PHACTR2: variants seen among roughly 807,000 people sequenced by gnomAD.
The protein encoded by PHACTR2 is chromosome 6 open reading frame 56.
In PHACTR2, 30 loss-of-function variants were observed where a neutral mutation model predicts 76.0. The ratio of observed to expected loss-of-function variants is 0.39; its 90% CI spans 0.30 to 0.54. PHACTR2 has a LOEUF of 0.54. Among genes scored for constraint, PHACTR2 ranks in the 20% least tolerant of loss-of-function variants. The pLI is 0.61. For synonymous variants in PHACTR2, 292 were observed against 292.5 expected, an observed-to-expected ratio of 1.00 and a Z score of 0.02; for missense variants, 696 against 781.1, an observed-to-expected ratio of 0.89 and a Z score of 1.30.
At chr6:143,643,822 T>C (rs1776608328) in intron 1 of PHACTR2, among the ~76,000 whole-genome samples, 1 of 152,230 alleles carries the variant, frequency 6.6e-6, no homozygotes, top group Admixed American at 6.5e-5. Context: ...TAGTGTCCTG[T>C]TTCCATGAGA....
intron 2 of PHACTR2, among the ~76,000 whole-genome samples, chr6:143,746,725 C>G (rs1779074971): frequency 6.6e-6 from 1 of 151,968 alleles, no homozygotes; most frequent in Non-Finnish European, 1.5e-5. Flanking sequence ...TGTGGGTGTT[C>G]TTTGGCTTCC....
intron 2 of PHACTR2, among the ~76,000 whole-genome samples, chr6:143,746,531 C>G (rs1350018591): frequency 2.0e-5 from 3 of 152,086 alleles, no homozygotes; most frequent in African/African-American, 4.8e-5. Flanking sequence ...GCAGAACAGC[C>G]GTGAATCTCT....
rs546130904 is a variant in PHACTR2, at chr6:143,668,179, A to C, written c.14-43837A>C. 2.6e-5 allele frequency among the ~76,000 whole-genome samples: 4 copies of C among 152,300 alleles called. No individual in the cohort carries two copies. In the East Asian group the frequency reaches 7.7e-4, roughly 29 times the overall value. On this transcript the variant is annotated intron_variant, in intron 1 of 11. Coordinates refer to the PHACTR2 transcript ENST00000305766. ...TCTGTTTATGTGATGGATTACATTTATTGATTTGCGTATGTTGAACCAGCC... is the reference window on the plus strand; with the variant it reads ...TCTGTTTATGTGATGGATTACATTTCTTGATTTGCGTATGTTGAACCAGCC...
rs73592190 is a variant in PHACTR2 at position 143,627,538 on chromosome 6, T to G, written c.13+19216T>G. ...AAGGTGAGATTCGCATGACATAAAA[T>G]TAACTATTTTGAAGTGTCCAATTCA... is the stretch of plus-strand genomic sequence containing the variant. On this transcript the variant is annotated intron_variant, in intron 1 of 11. Coordinates refer to the PHACTR2 transcript ENST00000305766. The surrounding 1 kb of genome is among the most constrained non-coding windows in gnomAD (Gnocchi z 4.3). Among the ~76,000 whole-genome samples the G allele has an allele frequency of 0.024, 3,597 of 152,184 alleles. 129 individuals are homozygous for G. Among genetic ancestry groups the G allele is most frequent in the African/African-American group, 0.083 (3,433 of 41,500 alleles).
At chr6:143,720,803 A>G (rs1778423782) in intron 2 of PHACTR2, among the ~76,000 whole-genome samples, 1 of 152,026 alleles carries the variant, frequency 6.6e-6, no homozygotes, top group African/African-American at 2.4e-5. Flanking sequence ...TGTGGAGACG[A>G]GATCTCGCTA....
At chr6:143,699,521 GACTCCACCAAATAACTTCA>G (rs1777851145) in intron 1 of PHACTR2, among the ~76,000 whole-genome samples, 1 of 152,254 alleles carries the variant, frequency 6.6e-6, no homozygotes, top group Non-Finnish European at 1.5e-5. Flanking sequence ...TTGTTTAGAA[GACTCCACCAAATAACTTCA>G]ACTCCAGCTT....
At position 143,754,577 on chromosome 6, in the gene PHACTR2, C is replaced by T. The variant is rs1299373895; in HGVS notation, c.454+665C>T. Among the ~76,000 whole-genome samples, 3 of 152,144 alleles carry T rather than the reference C, an allele frequency of 2.0e-5. No homozygotes were observed. Among genetic ancestry groups the T allele is most frequent in the Non-Finnish European group, 4.4e-5 (3 of 68,034 alleles). ...CTTGGTTCCTAGAGTGAATATGCTACAGTAGATTGAGATACCTGCAAAATA... is the reference window on the plus strand; with the variant it reads ...CTTGGTTCCTAGAGTGAATATGCTATAGTAGATTGAGATACCTGCAAAATA... On this transcript the variant is annotated intron_variant, in intron 4 of 12. Transcript: ENST00000440869. This position sits in a 1 kb window ranked among gnomAD's most constrained non-coding sequence, Gnocchi z 6.2.
At position 143,571,208 on chromosome 6, in the gene PHACTR2, A is replaced by G. The variant is rs1339572687; in HGVS notation, c.217+34001A>G. Among the ~76,000 whole-genome samples, 1 of 152,106 alleles carries G rather than the reference A, an allele frequency of 6.6e-6. No individual in the cohort carries two copies. Among genetic ancestry groups the G allele is most frequent in the Non-Finnish European group, 1.5e-5 (1 of 68,008 alleles). On this transcript the variant is annotated intron_variant, in intron 1 of 11. Transcript: ENST00000367584. The surrounding 1 kb of genome is among the most constrained non-coding windows in gnomAD (Gnocchi z 4.6). ...TCAAATTTAGCCAATTATCCCACTA[A>G]CAATTATCATTGTTAGTAACAATTA...
In PHACTR2 at chr6:143,819,664, C is replaced by T. The variant is rs1186517880; in HGVS notation, c.1923-4010C>T. Among the ~76,000 whole-genome samples the T allele has an allele frequency of 2.0e-5, 3 of 152,116 alleles. No individual in the cohort carries two copies. The highest frequency in any genetic ancestry group is 7.2e-5 in the African/African-American group (3 of 41,426). On this transcript the variant is annotated intron_variant, in intron 12 of 12. Coordinates refer to ENST00000440869, the MANE Select transcript of PHACTR2 (RefSeq NM_001100164.2). The surrounding 1 kb of genome is among the most constrained non-coding windows in gnomAD (Gnocchi z 5.0). ...TTGTTCAAGGACAAGAGAGGAAGAG[C>T]ATGTATCCCAGCTCCAGTAGATAGA...
intron 2 of PHACTR2, among the ~76,000 whole-genome samples, chr6:143,740,430 A>C (rs1778912394): frequency 6.6e-6 from 1 of 151,372 alleles, no homozygotes; most frequent in Non-Finnish European, 1.5e-5. Flanking sequence ...GCCTCTATTC[A>C]AGATGGAGTT....
intron 1 of PHACTR2, among the ~76,000 whole-genome samples, chr6:143,699,088 A>C (rs1777839373): frequency 6.6e-6 from 1 of 152,092 alleles, no homozygotes; most frequent in Middle Eastern, 3.4e-3. Flanking sequence ...CCGTCTGCTG[A>C]GTTTTCCTTC....
chr6:143,584,334 A>G (rs1408520501), intron 1 of PHACTR2, among the ~76,000 whole-genome samples: 1 of 152,220 alleles, frequency 6.6e-6, no homozygotes, highest in African/African-American at 2.4e-5. Flanking sequence ...TGGATGAGGC[A>G]TCCTGAGTCC....
rs531345622 is a variant in PHACTR2, at chr6:143,608,215, T to A, written c.-95T>A. On this transcript the variant is annotated 5_prime_UTR_variant, in exon 1 of 12. Transcript: ENST00000305766. The surrounding 1 kb of genome is among the most constrained non-coding windows in gnomAD (Gnocchi z 4.6). ...GTATGCTCAGTGTGCCAGCAAGGGC[T>A]GATAATCAGCAGAAGGACAGGGTGC... 6.1e-5 allele frequency: 79 copies of A among 1,293,664 alleles called. No homozygotes were observed. The South Asian group carries it at 8.2e-4, about 13-fold the overall frequency. 80.1% of individuals were successfully genotyped at this position (1,293,664 alleles called of 1,614,324 possible).
chr6:143,763,282 C>T (rs1349818449), intron 5 of PHACTR2, among the ~76,000 whole-genome samples: 1 of 151,998 alleles, frequency 6.6e-6, no homozygotes, highest in Admixed American at 6.6e-5. Context: ...TCACTTGAAC[C>T]CGGGAGGCAG....
rs1776277244 is a variant in PHACTR2 at position 143,627,237 on chromosome 6, A to G, written c.13+18915A>G. 6.6e-6 allele frequency among the ~76,000 whole-genome samples: 1 copy of G among 151,958 alleles called. No homozygotes were observed. Among genetic ancestry groups the G allele is most frequent in the Admixed American group, 6.5e-5 (1 of 15,276 alleles). On this transcript the variant is annotated intron_variant, in intron 1 of 11. Transcript: ENST00000305766. The surrounding 1 kb of genome is among the most constrained non-coding windows in gnomAD (Gnocchi z 4.3). ...TTTGAAGAACAGGTTCAAGTTTGCT[A>G]GGCAGAGGGAAATGTGAGTCTCTAA... is the stretch of plus-strand genomic sequence containing the variant.
At chr6:143,726,910 A>T (rs180910703) in intron 2 of PHACTR2, among the ~76,000 whole-genome samples, 1 of 152,198 alleles carries the variant, frequency 6.6e-6, no homozygotes, top group Non-Finnish European at 1.5e-5. Flanking sequence ...TATTTAGGAT[A>T]TCCATCACCT....
intron 1 of PHACTR2, among the ~76,000 whole-genome samples, chr6:143,542,944 A>G (rs1351949243): frequency 1.3e-5 from 2 of 152,198 alleles, no homozygotes; most frequent in Non-Finnish European, 2.9e-5. Flanking sequence ...CCATTCGTCC[A>G]TTCATTCAAT....
intron 1 of PHACTR2, among the ~76,000 whole-genome samples, chr6:143,681,360 G>T (rs1410992805): frequency 2.0e-5 from 3 of 151,998 alleles, no homozygotes; most frequent in African/African-American, 7.3e-5. Context: ...ATGACCTTGA[G>T]CATCTTTTCA....
chr6:143,710,629 G>A lies in PHACTR2; in HGVS notation c.47-1387G>A, dbSNP rs1200533186. 3.3e-5 allele frequency among the ~76,000 whole-genome samples: 5 copies of A among 152,274 alleles called. No individual in the cohort carries two copies. The highest frequency in any genetic ancestry group is 4.1e-4 in the South Asian group (2 of 4,820). Reference sequence around the variant, plus strand: ...GGAGAATTGCTTGAACCAAGGAGGCGGTGGTTGCAGTGAGCTGAGATCGCG... The same window carrying A: ...GGAGAATTGCTTGAACCAAGGAGGCAGTGGTTGCAGTGAGCTGAGATCGCG... On this transcript the variant is annotated intron_variant, in intron 1 of 12. Transcript: ENST00000440869. This position sits in a 1 kb window ranked among gnomAD's most constrained non-coding sequence, Gnocchi z 4.9.
Sources: gnomAD v4.1 joint callset for allele counts (sites outside exome capture counted in the v4.1 genomes callset) on GRCh38, gnomAD v4.1.1 for gene constraint, Gnocchi (gnomAD v3.1) non-coding constraint, MANE v1.5 for transcripts, NCBI Gene and HGNC (gene_info 2026-07-23, HGNC 2026-07-21) for gene names.